SOHLH1: variants seen among roughly 807,000 people sequenced by gnomAD.
The protein encoded by SOHLH1 is spermatogenesis and oogenesis specific basic helix-loop-helix 1, also known as spermatogenesis- and oogenesis-specific basic helix-loop-helix-containing protein 1.
SOHLH1 carries 23 observed loss-of-function variants against 36.2 expected under a neutral mutation model. That is an observed-to-expected ratio of 0.64 (90% confidence interval 0.46 to 0.90). The LOEUF (loss-of-function observed/expected upper bound fraction) is 0.90. Ranked by LOEUF, SOHLH1 falls within the 40% of genes least tolerant of loss-of-function variation. The pLI, the probability that SOHLH1 is intolerant of heterozygous loss-of-function variation, is 0.00. For synonymous variants in SOHLH1, 289 were observed against 228.3 expected (o/e 1.27, Z -2.40); for missense variants, 608 against 517.0 (o/e 1.18, Z -1.71).
chr9:135,701,199 G>A (rs117515244), upstream of SOHLH1, among the ~76,000 whole-genome samples: 730 of 152,310 alleles, frequency 4.8e-3, 2 homozygotes, highest in Non-Finnish European at 7.2e-3. Flanking sequence ...TGGGGACTTA[G>A]CATCCTAGAC....
At position 135,696,637 on chromosome 9, in the gene SOHLH1, C is replaced by T. The variant is rs771881241; in HGVS notation, c.636G>A (p.Val212=). 5.0e-6 allele frequency: 8 copies of T among 1,612,530 alleles called. No homozygotes were observed. The Admixed American group carries it at 8.3e-5, about 17-fold the overall frequency. Residue 212 remains valine, a synonymous_variant, in exon 5 of 8, where the codon GTG becomes GTA. Coordinates refer to ENST00000425225, the MANE Select transcript of SOHLH1 (RefSeq NM_001101677.2). ...CTGAGAAAGGGGGCAGCCCACCCCG[C>T]ACCTGGCACAGCCCCAACAGTGCCT... ...KCEALLGLCQ[V]RGGLPPFSEP...
intron 4 of SOHLH1, among the ~76,000 whole-genome samples, chr9:135,697,069 G>A (rs1018255069): frequency 1.3e-5 from 2 of 152,210 alleles, no homozygotes; most frequent in South Asian, 4.1e-4. Context: ...CTGCTTTGGG[G>A]TAAAATGGGT....
At chr9:135,693,948 G>A (rs1834690330) in intron 7 of SOHLH1, 134 bp from the exon 8 acceptor site, 1 of 1,438,270 alleles carries the variant, frequency 7.0e-7, no homozygotes, top group Non-Finnish European at 9.1e-7. Flanking sequence ...CAGAGGCTGT[G>A]ATGAGGTGGG....
chr9:135,698,172 C>G (rs1003812699), intron 3 of SOHLH1, among the ~76,000 whole-genome samples, 157 bp downstream of exon 3: 2 of 152,162 alleles, frequency 1.3e-5, no homozygotes, highest in Non-Finnish European at 2.9e-5. Context: ...TTGAACAAAT[C>G]AGGAAGTGCC....
chr9:135,696,538 G>A (rs993708196), intron 5 of SOHLH1, 74 bp downstream of exon 5: 2 of 1,545,640 alleles, frequency 1.3e-6, no homozygotes, highest in African/African-American at 1.4e-5. Flanking sequence ...AGCCCCCATT[G>A]TTCTTAGGGC....
In SOHLH1 at chr9:135,698,453, T is replaced by C. The variant is rs757315877; in HGVS notation, c.221A>G (p.Glu74Gly). The C allele has an allele frequency of 4.0e-5, 64 of 1,613,026 alleles. No homozygotes were observed. The highest frequency in any genetic ancestry group is 8.3e-5 in the Admixed American group (5 of 60,000). ...ERRKRMSLSC[E>G]RLRALLPQFD... Reference sequence around the variant, plus strand: ...CTGGGGCAGCAGGGCCCGCAGACGCTCACAGCTCAACGACATCCGCTTCCT... The same window carrying C: ...CTGGGGCAGCAGGGCCCGCAGACGCCCACAGCTCAACGACATCCGCTTCCT... The change falls in exon 3 of 8, where the codon GAG becomes GGG. Residue 74 changes from glutamate to glycine, a missense_variant. Glu to Gly is a moderately conservative substitution (Grantham distance 98). Transcript: ENST00000425225.
At chr9:135,701,354 G>A (rs1426861578), upstream of SOHLH1, among the ~76,000 whole-genome samples, 2 of 152,232 alleles carry the variant, frequency 1.3e-5, no homozygotes, top group African/African-American at 4.8e-5. Flanking sequence ...AAATGGACCT[G>A]GCCCTCCCCC....
intron 1 of SOHLH1, 64 bp downstream of exon 1, chr9:135,699,339 C>A (rs768506946): frequency 7.4e-5 from 115 of 1,551,338 alleles, no homozygotes; most frequent in Admixed American, 2.8e-4. Context: ...CAGCAACTTG[C>A]GGAAGAACCC....
chr9:135,697,722 G>A (rs756733000), intron 3 of SOHLH1, 95 bp from the exon 4 acceptor site: 479 of 1,463,396 alleles, frequency 3.3e-4, no homozygotes, highest in Middle Eastern at 5.3e-4. Flanking sequence ...GGCCTGGAGG[G>A]TCACTGTGAG....
In SOHLH1 at chr9:135,694,164, C is replaced by G. The variant is rs1834698371; in HGVS notation, c.946+223G>C. 6 of 1,435,812 alleles carry G rather than the reference C, an allele frequency of 4.2e-6. No individual in the cohort carries two copies. The South Asian group carries it at 9.0e-5, about 21-fold the overall frequency. 88.9% of individuals were successfully genotyped at this position (1,435,812 alleles called of 1,614,324 possible). ...CAGGGCTCCAAGCACCGCCAGCTCT[C>G]ATGCAGGCTCGTCCACATCACGTTC... On this transcript the variant is annotated intron_variant, in intron 7 of 7. Coordinates refer to ENST00000425225, the MANE Select transcript of SOHLH1 (RefSeq NM_001101677.2).
chr9:135,699,471 CT>C lies in SOHLH1; in HGVS notation c.-5del. ...GCTCGGAGCACCGGGACGCCATGAACTCGCAGCTGCGGAGCGACCCCACGCG... is the reference window on the plus strand; with the variant it reads ...GCTCGGAGCACCGGGACGCCATGAACCGCAGCTGCGGAGCGACCCCACGCG... On this transcript the variant is annotated 5_prime_UTR_variant, in exon 1 of 8. Transcript: ENST00000425225. 6.2e-7 allele frequency: 1 copy of C among 1,611,886 alleles called. No individual in the cohort carries two copies. The highest frequency in any genetic ancestry group is 8.5e-7 in the Non-Finnish European group (1 of 1,179,656).
intron 4 of SOHLH1, among the ~76,000 whole-genome samples, chr9:135,697,117 G>T (rs1226938428): frequency 6.6e-6 from 1 of 152,216 alleles, no homozygotes; most frequent in Non-Finnish European, 1.5e-5. Flanking sequence ...CTTCAACCTG[G>T]GGAGCTGCCA....
chr9:135,694,593 C>A (rs1834716710), intron 6 of SOHLH1, 136 bp from the exon 7 acceptor site: 1 of 1,301,550 alleles, frequency 7.7e-7, no homozygotes, highest in South Asian at 1.3e-5. Context: ...AGGCTCCACC[C>A]TGCCCAGCGG....
intron 2 of SOHLH1, 65 bp downstream of exon 2, chr9:135,698,930 G>C (rs564599278): frequency 9.9e-6 from 16 of 1,608,610 alleles, no homozygotes; most frequent in Admixed American, 3.3e-5. Context: ...TGGCAGCCCC[G>C]AACATAATCT....
At chr9:135,699,543 CCCACCTGCCACGTGCTTT>C, upstream of SOHLH1, 2 of 1,478,398 alleles carry the variant, frequency 1.4e-6, no homozygotes, top group Non-Finnish European at 1.9e-6. Context: ...GTGTGCTCTG[CCCACCTGCCACGTGCTTT>C]CCACCTAGCC....
At chr9:135,696,575 A>T (rs1348066273) in intron 5 of SOHLH1, 37 bp downstream of exon 5, 2 of 1,609,032 alleles carry the variant, frequency 1.2e-6, no homozygotes, top group Admixed American at 1.7e-5. Context: ...GCCGCTCCCC[A>T]GGCCAAAGGC....
Position 135,695,157 on chromosome 9 carries a change from C to G in SOHLH1, c.768G>C (p.Met256Ile), listed in dbSNP as rs749540912. 6.2e-7 allele frequency: 1 copy of G among 1,602,276 alleles called. No individual in the cohort carries two copies. The highest frequency in any genetic ancestry group is 1.7e-5 in the Admixed American group (1 of 58,540). Residue 256 changes from methionine (M) to isoleucine (I), a missense_variant, in exon 6 of 8, where the codon ATG becomes ATC. Coordinates refer to ENST00000425225, the MANE Select transcript of SOHLH1 (RefSeq NM_001101677.2). ...CCAGCCAGCCAAGGGCCTCCCCGCT[C>G]ATCACGGGCAAGGTCTGCTGCTGCG... ...PFSQQQTLPVMSGEALGWLGQ... is the reference protein window; with the variant it reads ...PFSQQQTLPVISGEALGWLGQ...
At chr9:135,701,044 G>A (rs1835015931), upstream of SOHLH1, among the ~76,000 whole-genome samples, 1 of 152,244 alleles carries the variant, frequency 6.6e-6, no homozygotes, top group Non-Finnish European at 1.5e-5. Context: ...GGAGGGCGTT[G>A]GCAGAAAGGC....
chr9:135,695,685 G>A (rs1274918596), intron 5 of SOHLH1, among the ~76,000 whole-genome samples: 1 of 152,118 alleles, frequency 6.6e-6, no homozygotes, highest in Non-Finnish European at 1.5e-5. Flanking sequence ...CTGCATGACT[G>A]CTCCCAGCCA....
Sources: allele counts gnomAD v4.1 joint callset (sites outside exome capture counted in the v4.1 genomes callset), GRCh38; gene constraint gnomAD v4.1.1; transcripts MANE v1.5; gene names NCBI Gene and HGNC (gene_info 2026-07-23, HGNC 2026-07-21).